SLC22A24: variants seen among roughly 807,000 people sequenced by gnomAD.
SLC22A24 encodes steroid transmembrane transporter SLC22A24.
SLC22A24 carries 53 observed loss-of-function variants against 49.8 expected under a neutral mutation model. That is an observed-to-expected ratio of 1.06 (90% confidence interval 0.85 to 1.34). The LOEUF (loss-of-function observed/expected upper bound fraction) is 1.34, where lower values mean the gene tolerates loss of function less well. Among genes scored for constraint, SLC22A24 ranks in the 40% most tolerant of loss-of-function variants. SLC22A24 has a pLI of 0.00. For synonymous variants in SLC22A24, 302 were observed against 256.4 expected (o/e 1.18, Z -1.70); for missense variants, 786 against 675.9 (o/e 1.16, Z -1.81).
Position 63,083,346 on chromosome 11 carries a change from A to G in SLC22A24, c.1182T>C (p.Cys394=), listed in dbSNP as rs1293100017. The part of the protein sequence containing the change: ...LCGAVTFTAR[C]VSLLTLNHMG... ...TATGATTCAGTGTCAAAAGGGAAAC[A>G]CATCTGGCTGTGAATGTGACAGCTC... Residue 394 remains cysteine (C), a synonymous_variant, in exon 7 of 10, where the codon TGT becomes TGC. Transcript: ENST00000612278. 1 of 1,554,546 alleles carries G rather than the reference A, an allele frequency of 6.4e-7. No individual in the cohort carries two copies. The highest frequency in any genetic ancestry group is 1.4e-5 in the African/African-American group (1 of 73,332).
chr11:63,110,665 A>G (rs1233738524), intron 4 of SLC22A24, among the ~76,000 whole-genome samples: 3 of 134,176 alleles, frequency 2.2e-5, no homozygotes, highest in Non-Finnish European at 4.9e-5. Context: ...TTGTTGGTGT[A>G]TAAGAATGCT....
chr11:63,110,367 T>G (rs1369636062), intron 4 of SLC22A24, among the ~76,000 whole-genome samples: 1 of 152,196 alleles, frequency 6.6e-6, no homozygotes, highest in Non-Finnish European at 1.5e-5. Flanking sequence ...TAAAGTAGTT[T>G]TTTCCAATTG....
intron 5 of SLC22A24, among the ~76,000 whole-genome samples, chr11:63,096,389 G>A (rs1489163887): frequency 5.3e-5 from 8 of 152,096 alleles, no homozygotes; most frequent in East Asian, 3.9e-4. Flanking sequence ...ATTATAAATC[G>A]GAGGAAATGA....
intron 2 of SLC22A24, among the ~76,000 whole-genome samples, chr11:63,128,453 C>A (rs1565042695): frequency 6.6e-6 from 1 of 152,042 alleles, no homozygotes; most frequent in Non-Finnish European, 1.5e-5. Flanking sequence ...TGCTCCACCA[C>A]CTCTTGTGGA....
intron 6 of SLC22A24, among the ~76,000 whole-genome samples, chr11:63,091,231 G>A (rs1304383441): frequency 2.0e-5 from 3 of 152,094 alleles, no homozygotes; most frequent in Admixed American, 6.6e-5. Context: ...TGAGTAGGAC[G>A]ATAACATGTT....
chr11:63,096,342 G>T lies in SLC22A24; in HGVS notation c.955-236C>A, dbSNP rs543191507. On this transcript the variant is annotated intron_variant, in intron 5 of 9. Transcript: ENST00000612278. ...GGAATAAAACCAGGTTAAACACTGA[G>T]CCAGTGATAGGTAAAAGCATTAACA... Among the ~76,000 whole-genome samples, 5 of 152,250 alleles carry T rather than the reference G, an allele frequency of 3.3e-5. No homozygotes were observed. The South Asian group carries it at 1.0e-3, about 32-fold the overall frequency.
intron 1 of SLC22A24, among the ~76,000 whole-genome samples, chr11:63,140,630 C>T (rs960877249): frequency 6.6e-6 from 1 of 152,132 alleles, no homozygotes; most frequent in Admixed American, 6.5e-5. Flanking sequence ...ATCTGATGTC[C>T]TAGGCTTCAC....
At chr11:63,105,849 T>A (rs574910250) in intron 4 of SLC22A24, among the ~76,000 whole-genome samples, 1 of 152,170 alleles carries the variant, frequency 6.6e-6, no homozygotes, top group Admixed American at 6.5e-5. Flanking sequence ...AATGGGTTTT[T>A]CTTTTCTATC....
intron 4 of SLC22A24, among the ~76,000 whole-genome samples, chr11:63,114,509 T>G (rs1274343126): frequency 6.6e-6 from 1 of 152,198 alleles, no homozygotes; most frequent in Non-Finnish European, 1.5e-5. Flanking sequence ...ATATGCTCCT[T>G]TAGCTCGGAG....
chr11:63,139,179 AT>A (rs543945966), intron 1 of SLC22A24, among the ~76,000 whole-genome samples: 3 of 149,980 alleles, frequency 2.0e-5, no homozygotes, highest in African/African-American at 7.3e-5. Flanking sequence ...ATTTTTCTCC[AT>A]TTTTTTTTGT....
At chr11:63,108,871 G>T (rs2087141186) in intron 4 of SLC22A24, among the ~76,000 whole-genome samples, 2 of 140,798 alleles carry the variant, frequency 1.4e-5, no homozygotes, top group African/African-American at 2.6e-5. Flanking sequence ...TATACTTTAA[G>T]TTTTAGGGTA....
At chr11:63,086,001 G>A (rs1442951132) in intron 6 of SLC22A24, among the ~76,000 whole-genome samples, 4 of 152,148 alleles carry the variant, frequency 2.6e-5, no homozygotes, top group Non-Finnish European at 5.9e-5. Flanking sequence ...TCTCACACCA[G>A]TCAGAATGGC....
intron 4 of SLC22A24, among the ~76,000 whole-genome samples, chr11:63,113,662 T>C (rs1337148716): frequency 6.6e-6 from 1 of 152,018 alleles, no homozygotes; most frequent in Non-Finnish European, 1.5e-5. Context: ...GAGAACATCC[T>C]GGCTAATGCA....
chr11:63,125,193 A>T (rs979871455), intron 2 of SLC22A24, among the ~76,000 whole-genome samples: 1 of 152,126 alleles, frequency 6.6e-6, no homozygotes, highest in African/African-American at 2.4e-5. Flanking sequence ...GTTCTGAGGT[A>T]CCTGTGCAGA....
chr11:63,139,059 A>C (rs370860534), intron 1 of SLC22A24, among the ~76,000 whole-genome samples: 1 of 152,244 alleles, frequency 6.6e-6, no homozygotes, highest in East Asian at 1.9e-4. Context: ...AGTCAGCTTA[A>C]TTAAAAGTGG....
intron 9 of SLC22A24, among the ~76,000 whole-genome samples, 165 bp downstream of exon 9, chr11:63,080,755 G>C (rs1186760978): frequency 6.6e-6 from 1 of 152,166 alleles, no homozygotes; most frequent in Non-Finnish European, 1.5e-5. Flanking sequence ...ATTGTGGATA[G>C]GGTAGGCTGC....
intron 2 of SLC22A24, among the ~76,000 whole-genome samples, chr11:63,132,432 G>A (rs981632173): frequency 1.3e-5 from 2 of 152,096 alleles, no homozygotes; most frequent in African/African-American, 2.4e-5. Flanking sequence ...TCTACCTTTG[G>A]TCTTTGATGT....
At chr11:63,134,134 A>C (rs1213524972) in intron 2 of SLC22A24, among the ~76,000 whole-genome samples, 1 of 152,166 alleles carries the variant, frequency 6.6e-6, no homozygotes, top group Non-Finnish European at 1.5e-5. Context: ...ACAGTGCTGC[A>C]CAACCATCAG....
intron 5 of SLC22A24, among the ~76,000 whole-genome samples, chr11:63,099,755 G>A (rs1437998845): frequency 6.6e-6 from 1 of 152,078 alleles, no homozygotes; most frequent in Non-Finnish European, 1.5e-5. Context: ...GACCAGGAAT[G>A]CAAGGATGGT....
Sources: allele counts gnomAD v4.1 joint callset (sites outside exome capture counted in the v4.1 genomes callset), GRCh38; gene constraint gnomAD v4.1.1; transcripts MANE v1.5; gene names NCBI Gene and HGNC (gene_info 2026-07-23, HGNC 2026-07-21).